The following SSPN variants were observed in gnomAD, a reference collection of about 807,000 sequenced individuals.
SSPN encodes the protein K-ras oncogene-associated protein.
A neutral mutation model predicts 19.1 loss-of-function variants in SSPN; 15 were observed. The ratio of observed to expected loss-of-function variants is 0.78; its 90% CI spans 0.52 to 1.21. SSPN has a LOEUF of 1.21. SSPN is among the 50% of genes most tolerant of loss of function. The probability of loss-of-function intolerance (pLI) is 0.00; values close to 1 mark genes in which losing one functional copy is unlikely to be tolerated. For missense variants in SSPN, 291 were observed against 314.0 expected, an observed-to-expected ratio of 0.93 and a Z score of 0.55; for synonymous variants, 147 against 140.3, an observed-to-expected ratio of 1.05 and a Z score of -0.34.
intron 1 of SSPN, among the ~76,000 whole-genome samples, chr12:26,171,588 T>C (rs1228386368): frequency 6.6e-6 from 1 of 150,626 alleles, no homozygotes; most frequent in African/African-American, 2.5e-5. Context: ...ATTCTAGAGA[T>C]TTACAAATAT....
rs1194226229 is a variant in SSPN at position 26,233,192 on chromosome 12, G to T, written c.*2116G>T. Reference sequence around the variant, plus strand: ...AATTAAGACTCTGTATATCCTTAAGGTGCTCTATGCTTTACCAGTAATTCA... The same window carrying T: ...AATTAAGACTCTGTATATCCTTAAGTTGCTCTATGCTTTACCAGTAATTCA... On this transcript the variant is annotated 3_prime_UTR_variant, in exon 3 of 3. Transcript: ENST00000242729. This position sits in a 1 kb window ranked among gnomAD's most constrained non-coding sequence, Gnocchi z 4.3. The T allele has an allele frequency of 1.3e-5, 2 of 151,838 alleles. No individual in the cohort carries two copies. The highest frequency in any genetic ancestry group is 2.1e-4 in the South Asian group (1 of 4,818). The allele number at this position is 151,838 out of a possible 1,614,324, so 9.4% of individuals were successfully genotyped here.
chr12:26,154,723 A>G (rs763151086), intron 1 of SSPN, among the ~76,000 whole-genome samples: 54 of 152,228 alleles, frequency 3.5e-4, no homozygotes, highest in Non-Finnish European at 7.1e-4. Flanking sequence ...TCTACTGTAC[A>G]TTCGATTATT....
At chr12:26,167,837 A>G (rs1944630550) in intron 1 of SSPN, among the ~76,000 whole-genome samples, 1 of 152,186 alleles carries the variant, frequency 6.6e-6, no homozygotes, top group South Asian at 2.1e-4. Context: ...ATTACATTGC[A>G]GTCTTTAAAA....
At position 26,184,851 on chromosome 12, in the gene SSPN, A is replaced by C. The variant is rs557962108; in HGVS notation, c.-30-39442A>C. 7.1e-4 allele frequency among the ~76,000 whole-genome samples: 108 copies of C among 152,320 alleles called. 1 individual carries two copies. Among genetic ancestry groups the C allele is most frequent in the Non-Finnish European group, 1.4e-3 (96 of 68,030 alleles). ...ATCATAATGTAATATGCTCATGAGA[A>C]GACAACAAAAATAGGGAGAAAAGGA... On this transcript the variant is annotated intron_variant, in intron 1 of 2. Transcript: ENST00000538142.
chr12:26,198,177 T>G lies in SSPN; in HGVS notation c.279+2226T>G, dbSNP rs530896324. Among the ~76,000 whole-genome samples, 441 of 116,632 alleles carry G rather than the reference T, an allele frequency of 3.8e-3. 2 individuals are homozygous for G. Among genetic ancestry groups the G allele is most frequent in the African/African-American group, 0.01 (380 of 36,814 alleles). The allele number at this position is 116,632 out of a possible 152,430, so 76.5% of individuals were successfully genotyped here. On this transcript the variant is annotated intron_variant, in intron 1 of 2. Coordinates refer to ENST00000242729, the MANE Select transcript of SSPN (RefSeq NM_005086.5). ...ATAACTTTGAGTTTTGGGGGGGGGTTTTTGGAGACAGAGACTTGCTCTGTC... is the reference window on the plus strand; with the variant it reads ...ATAACTTTGAGTTTTGGGGGGGGGTGTTTGGAGACAGAGACTTGCTCTGTC...
intron 1 of SSPN, among the ~76,000 whole-genome samples, chr12:26,140,196 A>T (rs1454077245): frequency 1.3e-5 from 2 of 152,150 alleles, no homozygotes; most frequent in Non-Finnish European, 2.9e-5. Flanking sequence ...AATCATGACC[A>T]TTCCAGCCTG....
In SSPN at chr12:26,141,262, A is replaced by G. The variant is rs7308190; in HGVS notation, c.-31+19110A>G. ...GGAACAGCCAGGTAGATGCAGCACT[A>G]CTGTGTTTGGGGATGGAGGAAGGGA... is the stretch of plus-strand genomic sequence containing the variant. On this transcript the variant is annotated intron_variant, in intron 1 of 2. Coordinates refer to the SSPN transcript ENST00000538142. Among the ~76,000 whole-genome samples the G allele has an allele frequency of 6.8e-3, 1,029 of 152,292 alleles. 12 individuals carry two copies. The highest frequency in any genetic ancestry group is 0.023 in the African/African-American group (973 of 41,544).
chr12:26,206,416 C>A (rs1944931921), intron 1 of SSPN, among the ~76,000 whole-genome samples: 2 of 152,152 alleles, frequency 1.3e-5, no homozygotes, highest in South Asian at 4.1e-4. Context: ...TCCAATGTTA[C>A]ATAATTCAAT....
intron 1 of SSPN, among the ~76,000 whole-genome samples, chr12:26,152,094 A>G (rs1027474830): frequency 6.6e-6 from 1 of 152,204 alleles, no homozygotes; most frequent in Non-Finnish European, 1.5e-5. Flanking sequence ...CATTTCCCTC[A>G]TCATTTTCTT....
intron 1 of SSPN, among the ~76,000 whole-genome samples, chr12:26,174,468 T>A (rs557956633): frequency 2.2e-5 from 2 of 89,350 alleles, no homozygotes; most frequent in South Asian, 9.4e-4. Context: ...CCCATCCTGC[T>A]ACCCACGCTT....
chr12:26,152,348 A>G (rs1247401526), intron 1 of SSPN, among the ~76,000 whole-genome samples: 1 of 152,218 alleles, frequency 6.6e-6, no homozygotes, highest in African/African-American at 2.4e-5. Context: ...ACAATTAGGA[A>G]GTGATAAGTT....
chr12:26,190,579 T>C (rs980254683), upstream of SSPN, among the ~76,000 whole-genome samples: 3 of 152,130 alleles, frequency 2.0e-5, no homozygotes, highest in Non-Finnish European at 4.4e-5. Context: ...TAATAATTAC[T>C]GTTTCAAATC....
At chr12:26,122,355 A>T in intron 1 of SSPN, 1 of 1,172,378 alleles carries the variant, frequency 8.5e-7, no homozygotes, top group Non-Finnish European at 1.1e-6. Context: ...GGGGTATAGC[A>T]GCGGGAACGG....
At chr12:26,124,697 G>A in intron 1 of SSPN, 1 of 1,613,484 alleles carries the variant, frequency 6.2e-7, no homozygotes, top group Non-Finnish European at 8.5e-7. Context: ...ACAGATATTC[G>A]CAAGGGTGCG....
intron 1 of SSPN, chr12:26,123,984 T>G (rs1258631565): frequency 1.5e-5 from 15 of 989,844 alleles, no homozygotes; most frequent in Non-Finnish European, 1.9e-5. Flanking sequence ...GAACTTATAT[T>G]TACATTTATT....
At chr12:26,158,794 G>A (rs770038729) in intron 1 of SSPN, among the ~76,000 whole-genome samples, 3 of 152,232 alleles carry the variant, frequency 2.0e-5, no homozygotes, top group Non-Finnish European at 2.9e-5. Context: ...TTTAAAGCAA[G>A]GTGTTGTGAG....
intron 1 of SSPN, among the ~76,000 whole-genome samples, chr12:26,209,859 C>T (rs1017893952): frequency 1.3e-5 from 2 of 149,540 alleles, no homozygotes; most frequent in Non-Finnish European, 3.0e-5. Flanking sequence ...TAAGAGCTAG[C>T]CTTCACTAAT....
intron 1 of SSPN, among the ~76,000 whole-genome samples, chr12:26,144,473 A>G (rs1391523272): frequency 6.6e-6 from 1 of 152,180 alleles, no homozygotes; most frequent in Non-Finnish European, 1.5e-5. Flanking sequence ...GCTTATCAAC[A>G]AGGTAAGGCG....
At chr12:26,221,825 T>C (rs1008479810) in intron 1 of SSPN, among the ~76,000 whole-genome samples, 2 of 152,208 alleles carry the variant, frequency 1.3e-5, no homozygotes, top group African/African-American at 4.8e-5. Flanking sequence ...TGCCTAGGGA[T>C]ATAAGCAGGA....
Sources: gnomAD v4.1 joint callset for allele counts (sites outside exome capture counted in the v4.1 genomes callset) on GRCh38, gnomAD v4.1.1 for gene constraint, Gnocchi (gnomAD v3.1) non-coding constraint, MANE v1.5 for transcripts, NCBI Gene and HGNC (gene_info 2026-07-23, HGNC 2026-07-21) for gene names.